LGR6: variants seen among roughly 807,000 people sequenced by gnomAD.
LGR6 encodes the protein leucine rich repeat containing G protein-coupled receptor 6.
LGR6 carries 45 observed loss-of-function variants against 69.4 expected under a neutral mutation model. The ratio of observed to expected loss-of-function variants is 0.65; its 90% confidence interval spans 0.51 to 0.83. LGR6 has a LOEUF of 0.83. Ranked by LOEUF, LGR6 falls within the 40% of genes least tolerant of loss-of-function variation. LGR6 has a pLI of 0.00. For missense variants in LGR6, 1,108 were observed against 1,246.7 expected (o/e 0.89, Z 1.68); for synonymous variants, 538 against 555.0 (o/e 0.97, Z 0.43).
chr1:202,223,971 C>T (rs1660335982), intron 1 of LGR6, among the ~76,000 whole-genome samples: 1 of 151,846 alleles, frequency 6.6e-6, no homozygotes, highest in Non-Finnish European at 1.5e-5. Flanking sequence ...ATTAGGCAGT[C>T]TGTAAGCATT....
intron 12 of LGR6, among the ~76,000 whole-genome samples, chr1:202,306,475 A>T (rs907125429): frequency 5.3e-5 from 8 of 151,994 alleles, no homozygotes; most frequent in Admixed American, 3.3e-4. Context: ...CTCCCATTCA[A>T]CCAGTCTACT....
chr1:202,225,111 C>T (rs1254312103), intron 1 of LGR6, among the ~76,000 whole-genome samples: 2 of 152,144 alleles, frequency 1.3e-5, no homozygotes, highest in African/African-American at 4.8e-5. Context: ...ATAGGGAGGC[C>T]AGTTTCCTTC....
At chr1:202,272,778 C>CA (rs1356941920) in intron 4 of LGR6, among the ~76,000 whole-genome samples, 1 of 152,254 alleles carries the variant, frequency 6.6e-6, no homozygotes, top group African/African-American at 2.4e-5. Flanking sequence ...CGTGTGTACT[C>CA]ACACATACGC....
rs1571840624 is a variant in LGR6, at chr1:202,225,467, TCCA to T, written c.263_265del (p.His88del). 1.9e-6 allele frequency: 3 copies of T among 1,613,934 alleles called. No homozygotes were observed. The highest frequency in any genetic ancestry group is 2.5e-6 in the Non-Finnish European group (3 of 1,179,876). On this transcript the variant is annotated inframe_deletion, in exon 2 of 18. Transcript: ENST00000367278. ...CTCACAGAGCTTCAGCCTGGCCTCT[TCCA>T]CCACCTGCGCTTCTTGGAGGAGCTG... is the stretch of plus-strand genomic sequence containing the variant.
At chr1:202,231,614 G>A (rs1417164975) in intron 3 of LGR6, among the ~76,000 whole-genome samples, 1 of 152,216 alleles carries the variant, frequency 6.6e-6, no homozygotes, top group Non-Finnish European at 1.5e-5. Flanking sequence ...TTAAAGTGGA[G>A]GAGTCAGAAT....
At chr1:202,244,000 A>G (rs1023462218) in intron 4 of LGR6, among the ~76,000 whole-genome samples, 1 of 152,122 alleles carries the variant, frequency 6.6e-6, no homozygotes, top group Non-Finnish European at 1.5e-5. Flanking sequence ...TCTGTCACCC[A>G]GGCTGGAGTG....
At chr1:202,287,983 T>C (rs1216260712) in intron 6 of LGR6, among the ~76,000 whole-genome samples, 1 of 152,074 alleles carries the variant, frequency 6.6e-6, no homozygotes, top group East Asian at 1.9e-4. Flanking sequence ...AACCCTCCAG[T>C]GATTCCTCAT....
intron 1 of LGR6, chr1:202,210,804 C>G (rs1402754745): frequency 6.6e-6 from 1 of 152,176 alleles, no homozygotes; most frequent in East Asian, 1.9e-4. Flanking sequence ...ATGTGCCTGC[C>G]CCTAGGCTTG....
chr1:202,274,153 G>C (rs1454752161), intron 4 of LGR6, among the ~76,000 whole-genome samples: 1 of 152,188 alleles, frequency 6.6e-6, no homozygotes, highest in Non-Finnish European at 1.5e-5. Flanking sequence ...CCCTGGTAAG[G>C]GGGGCTGTCC....
At chr1:202,296,082 A>G (rs1196918104) in intron 6 of LGR6, among the ~76,000 whole-genome samples, 2 of 152,164 alleles carry the variant, frequency 1.3e-5, no homozygotes, top group Non-Finnish European at 2.9e-5. Context: ...AACCCTGCCA[A>G]GTCACTCTGT....
intron 12 of LGR6, 155 bp from the exon 13 acceptor site, chr1:202,306,713 T>C: frequency 1.4e-6 from 1 of 722,826 alleles, no homozygotes; most frequent in South Asian, 1.5e-5. Flanking sequence ...CCCCTTGTGC[T>C]CCCTTTAATT....
intron 5 of LGR6, among the ~76,000 whole-genome samples, chr1:202,279,257 A>C (rs572396872): frequency 6.6e-6 from 1 of 152,350 alleles, no homozygotes; most frequent in African/African-American, 2.4e-5. Flanking sequence ...CCTTTGGATC[A>C]GAAGCTCCCT....
intron 8 of LGR6, 54 bp from the exon 9 acceptor site, chr1:202,301,110 C>A (rs1667554055): frequency 5.9e-6 from 9 of 1,527,202 alleles, no homozygotes; most frequent in Non-Finnish European, 8.2e-6. Flanking sequence ...TGGCCTTAAT[C>A]CCAGCAGAAA....
At chr1:202,253,964 C>T (rs1292877162) in intron 4 of LGR6, among the ~76,000 whole-genome samples, 1 of 151,012 alleles carries the variant, frequency 6.6e-6, no homozygotes, top group African/African-American at 2.4e-5. Context: ...CGCCACTACG[C>T]CCGGCTAATT....
chr1:202,308,943 C>G lies in LGR6; in HGVS notation c.1281-108C>G, dbSNP rs577419446. On this transcript the variant is annotated intron_variant, in intron 14 of 17. Transcript: ENST00000367278. Reference sequence around the variant, plus strand: ...CTAAGCTTCTCTCCTGTCCTTTGCTCCTCTCCTCTTGCTTCCATCCCAGGC... The same window carrying G: ...CTAAGCTTCTCTCCTGTCCTTTGCTGCTCTCCTCTTGCTTCCATCCCAGGC... 114 of 1,360,010 alleles carry G rather than the reference C, an allele frequency of 8.4e-5. 1 individual carries two copies. The highest frequency in any genetic ancestry group is 1.5e-4 in the Admixed American group (8 of 53,830). The allele number at this position is 1,360,010 out of a possible 1,614,324, so 84.2% of individuals were successfully genotyped here. A position where few individuals can be genotyped will look rare whatever the true frequency, so the allele number is the denominator to read the frequency against.
In LGR6 at chr1:202,319,029, C is replaced by T. The variant is rs892734094; in HGVS notation, c.2726C>T (p.Ala909Val). 6.2e-6 allele frequency: 10 copies of T among 1,613,876 alleles called. No individual in the cohort carries two copies. The South Asian group carries it at 1.1e-4, about 18-fold the overall frequency. Residue 909 changes from alanine (A) to valine (V), a missense_variant, in exon 18 of 18, where the codon GCC becomes GTC. Coordinates refer to ENST00000367278, the MANE Select transcript of LGR6 (RefSeq NM_001017403.2). The part of the protein sequence containing the change: ...VTLISCQQPG[A>V]PRLEGSHCVE... ...CTCATCTCCTGTCAGCAGCCAGGGG[C>T]CCCCAGGCTGGAGGGCAGCCATTGT...
At chr1:202,286,799 T>C (rs1439757342) in intron 6 of LGR6, among the ~76,000 whole-genome samples, 1 of 152,144 alleles carries the variant, frequency 6.6e-6, no homozygotes, top group African/African-American at 2.4e-5. Context: ...AAAATTGAGC[T>C]GCCCAATGAG....
intron 4 of LGR6, among the ~76,000 whole-genome samples, chr1:202,244,205 C>A (rs2148033024): frequency 6.6e-6 from 1 of 152,294 alleles, no homozygotes; most frequent in South Asian, 2.1e-4. Context: ...AATTCGCCTG[C>A]CTTGGCCTCC....
At chr1:202,204,196 A>G (rs1480361492) in intron 1 of LGR6, among the ~76,000 whole-genome samples, 2 of 149,976 alleles carry the variant, frequency 1.3e-5, no homozygotes, top group East Asian at 2.0e-4. Flanking sequence ...GGATCACATC[A>G]CAGACACCTC....
Sources: allele counts gnomAD v4.1 joint callset (sites outside exome capture counted in the v4.1 genomes callset), GRCh38; gene constraint gnomAD v4.1.1; transcripts MANE v1.5; gene names NCBI Gene and HGNC (gene_info 2026-07-23, HGNC 2026-07-21).